Variants in PKIB observed in about 807,000 individuals in gnomAD.
PKIB encodes cAMP-dependent protein kinase inhibitor beta, also known as PKI-beta.
Under a neutral mutation model 4.5 loss-of-function variants are expected in PKIB, and 2 were observed. The ratio of observed to expected loss-of-function variants is 0.44; its 90% CI spans 0.18 to 1.39. The LOEUF (loss-of-function observed/expected upper bound fraction) is 1.39, where lower values mean the gene tolerates loss of function less well. Among genes scored for constraint, PKIB ranks in the 40% most tolerant of loss-of-function variants. PKIB has a pLI of 0.27. For synonymous variants in PKIB, 38 were observed against 36.0 expected, an observed-to-expected ratio of 1.06 and a Z score of -0.20; for missense variants, 94 against 92.6, an observed-to-expected ratio of 1.02 and a Z score of -0.06.
chr6:122,614,861 A>G (rs1245750928), intron 1 of PKIB, among the ~76,000 whole-genome samples: 1 of 152,184 alleles, frequency 6.6e-6, no homozygotes, highest in Non-Finnish European at 1.5e-5. Flanking sequence ...AGTGTATTAC[A>G]TTAGTTTATT....
At chr6:122,558,061 C>T (rs925567261) in intron 2 of PKIB, among the ~76,000 whole-genome samples, 3 of 152,118 alleles carry the variant, frequency 2.0e-5, no homozygotes, top group African/African-American at 7.2e-5. Flanking sequence ...TTTGTTAGGA[C>T]TCCATGTTTC....
intron 2 of PKIB, chr6:122,643,836 C>G (rs1272743141): frequency 6.6e-6 from 1 of 152,040 alleles, no homozygotes; most frequent in Non-Finnish European, 1.5e-5. Flanking sequence ...TGCACATAGA[C>G]TGATTATTAT....
chr6:122,501,524 C>T (rs1465564022), intron 2 of PKIB, among the ~76,000 whole-genome samples: 1 of 152,192 alleles, frequency 6.6e-6, no homozygotes, highest in Non-Finnish European at 1.5e-5. Flanking sequence ...CCAAGGCTTG[C>T]AGCTTACAGT....
intron 3 of PKIB, among the ~76,000 whole-genome samples, chr6:122,684,768 C>T (rs1778032911): frequency 6.6e-6 from 1 of 152,054 alleles, no homozygotes; most frequent in Non-Finnish European, 1.5e-5. Flanking sequence ...CTCCAAAATT[C>T]TCAGATATCT....
chr6:122,510,235 A>T (rs1776541645), intron 2 of PKIB, among the ~76,000 whole-genome samples: 1 of 152,184 alleles, frequency 6.6e-6, no homozygotes, highest in Non-Finnish European at 1.5e-5. Context: ...TCTTTTGCAA[A>T]GATGAATAAC....
chr6:122,471,931 G>A (rs943656973), exon 1 of PKIB: 26 of 1,259,386 alleles, frequency 2.1e-5, no homozygotes, highest in African/African-American at 7.6e-5. Context: ...GCGCATGCGC[G>A]TCACTAGACG....
At chr6:122,557,144 A>T (rs1772868340) in intron 2 of PKIB, among the ~76,000 whole-genome samples, 1 of 152,204 alleles carries the variant, frequency 6.6e-6, no homozygotes, top group African/African-American at 2.4e-5. Context: ...TGAATCCAGG[A>T]GGCAGAGCTT....
At chr6:122,712,913 A>G (rs1269314200) in intron 3 of PKIB, among the ~76,000 whole-genome samples, 1 of 152,138 alleles carries the variant, frequency 6.6e-6, no homozygotes, top group Non-Finnish European at 1.5e-5. Context: ...CTTCTAACAT[A>G]CTAACATCCT....
At chr6:122,565,050 T>C (rs547488063) in intron 2 of PKIB, among the ~76,000 whole-genome samples, 1 of 152,210 alleles carries the variant, frequency 6.6e-6, no homozygotes, top group Non-Finnish European at 1.5e-5. Context: ...GGCTTACCCA[T>C]ATTTTAACTT....
chr6:122,714,679 G>T (rs755898963), intron 3 of PKIB, among the ~76,000 whole-genome samples: 1 of 152,168 alleles, frequency 6.6e-6, no homozygotes, highest in Non-Finnish European at 1.5e-5. Context: ...TCACTTGAGG[G>T]TGGAGGGTGG....
intron 2 of PKIB, among the ~76,000 whole-genome samples, chr6:122,645,476 C>T (rs1582770912): frequency 6.6e-6 from 1 of 152,186 alleles, no homozygotes; most frequent in Non-Finnish European, 1.5e-5. Context: ...TCGGAGTCCA[C>T]TAGGACCAGC....
intron 3 of PKIB, among the ~76,000 whole-genome samples, chr6:122,594,684 A>T (rs1015113820): frequency 2.3e-4 from 35 of 152,134 alleles, no homozygotes; most frequent in Admixed American, 6.6e-4. Flanking sequence ...AAGTATCTCA[A>T]CAGGTCGTGG....
intron 3 of PKIB, among the ~76,000 whole-genome samples, chr6:122,711,495 T>C (rs927579210): frequency 5.3e-5 from 8 of 152,198 alleles, no homozygotes; most frequent in Non-Finnish European, 1.2e-4. Flanking sequence ...CTTTTGGGAA[T>C]CTGCAAGTGG....
intron 4 of PKIB, among the ~76,000 whole-genome samples, chr6:122,720,713 T>G (rs975083362): frequency 6.6e-6 from 1 of 152,128 alleles, no homozygotes; most frequent in Middle Eastern, 3.2e-3. Context: ...TGTATTTTTT[T>G]TTTTTGAGAC....
intron 2 of PKIB, among the ~76,000 whole-genome samples, chr6:122,555,870 TGAAAAGATGTGTATAATACA>T (rs1278851597): frequency 6.6e-6 from 1 of 152,176 alleles, no homozygotes; most frequent in Admixed American, 6.5e-5. Context: ...AACTTGGAAT[TGAAAAGATGTGTATAATACA>T]GAAATATCAC....
At chr6:122,477,251 G>A (rs953349534) in intron 1 of PKIB, among the ~76,000 whole-genome samples, 12 of 152,166 alleles carry the variant, frequency 7.9e-5, no homozygotes, top group Non-Finnish European at 8.8e-5. Context: ...ATGCAGGTCT[G>A]TAAGCTGAAG....
chr6:122,549,001 T>C (rs1772586998), intron 2 of PKIB, among the ~76,000 whole-genome samples: 2 of 152,180 alleles, frequency 1.3e-5, no homozygotes, highest in African/African-American at 4.8e-5. Context: ...AACAGTAACT[T>C]CCTTACTTTC....
At chr6:122,591,100 G>C (rs964236116) in intron 3 of PKIB, among the ~76,000 whole-genome samples, 1 of 150,988 alleles carries the variant, frequency 6.6e-6, no homozygotes, top group African/African-American at 2.4e-5. Flanking sequence ...ACCTATTAAA[G>C]TTATCTCTAA....
intron 2 of PKIB, among the ~76,000 whole-genome samples, chr6:122,524,071 G>C (rs1400902211): frequency 6.6e-6 from 1 of 151,898 alleles, no homozygotes; most frequent in East Asian, 1.9e-4. Context: ...ATATTCATCA[G>C]GGATATTGAT....
Sources: allele counts gnomAD v4.1 joint callset (sites outside exome capture counted in the v4.1 genomes callset), GRCh38; gene constraint gnomAD v4.1.1; transcripts MANE v1.5; gene names NCBI Gene and HGNC (gene_info 2026-07-23, HGNC 2026-07-21).